The following GREB1L variants were observed in gnomAD, a reference collection of about 807,000 sequenced individuals.
GREB1L encodes the protein GREB1 like retinoic acid receptor coactivator, also known as GREB1-like protein.
A neutral mutation model predicts 200.8 loss-of-function variants in GREB1L; 17 were observed. The observed-to-expected ratio is 0.08, with a 90% CI of 0.06 to 0.13. The LOEUF (loss-of-function observed/expected upper bound fraction) is 0.13, where lower values mean the gene tolerates loss of function less well. Ranked by LOEUF, GREB1L falls within the 10% of genes least tolerant of loss-of-function variation. The pLI, the probability that GREB1L is intolerant of heterozygous loss-of-function variation, is 1.00. For synonymous variants in GREB1L, 789 were observed against 893.0 expected (o/e 0.88, Z 2.08); for missense variants, 1,657 against 2,367.7 (o/e 0.70, Z 6.23).
chr18:21,389,291 G>T (rs1414067524), intron 4 of GREB1L, among the ~76,000 whole-genome samples: 1 of 145,650 alleles, frequency 6.9e-6, no homozygotes, highest in Non-Finnish European at 1.5e-5. Flanking sequence ...ATCTCAGTTG[G>T]TTCTCGTGCC....
chr18:21,313,601 G>A (rs1598650858), intron 1 of GREB1L, among the ~76,000 whole-genome samples: 1 of 152,180 alleles, frequency 6.6e-6, no homozygotes, highest in Admixed American at 6.5e-5. Flanking sequence ...AGCCATACCA[G>A]CAGTGACTTA....
rs114116872 is a variant in GREB1L at position 21,255,288 on chromosome 18, T to C, written c.-120+12895T>C. On this transcript the variant is annotated intron_variant, in intron 1 of 32. Coordinates refer to ENST00000424526, the MANE Select transcript of GREB1L (RefSeq NM_001142966.3). ...TCACTTTCTTAGAAAGTTCTCCCTG[T>C]TTATTAGAGCTAATGTGGCTGTTTT... 7.6e-3 allele frequency among the ~76,000 whole-genome samples: 1,162 copies of C among 152,332 alleles called. 17 individuals are homozygous for C. Among genetic ancestry groups the C allele is most frequent in the African/African-American group, 0.027 (1,123 of 41,568 alleles).
At chr18:21,265,714 C>T (rs2037955630) in intron 1 of GREB1L, among the ~76,000 whole-genome samples, 1 of 152,078 alleles carries the variant, frequency 6.6e-6, no homozygotes, top group African/African-American at 2.4e-5. Context: ...CTTTATGAAT[C>T]CTCTCGCCAT....
At chr18:21,448,974 C>T (rs1177886301) in intron 11 of GREB1L, among the ~76,000 whole-genome samples, 4 of 152,158 alleles carry the variant, frequency 2.6e-5, no homozygotes, top group Non-Finnish European at 5.9e-5. Flanking sequence ...GAGGCTGCCT[C>T]CAATATCACT....
chr18:21,461,589 A>G (rs541089530), intron 15 of GREB1L, among the ~76,000 whole-genome samples: 1 of 151,998 alleles, frequency 6.6e-6, no homozygotes, highest in African/African-American at 2.4e-5. Flanking sequence ...CTTTCATTAG[A>G]TTCCTTCTGG....
intron 14 of GREB1L, among the ~76,000 whole-genome samples, chr18:21,453,049 A>G (rs182158629): frequency 5.3e-5 from 8 of 152,380 alleles, no homozygotes; most frequent in Admixed American, 5.2e-4. Flanking sequence ...GATGATCCGG[A>G]TGATCTAAAA....
intron 7 of GREB1L, among the ~76,000 whole-genome samples, chr18:21,434,527 G>GTGTATATATA (rs1555646739): frequency 1.9e-4 from 26 of 138,800 alleles, no homozygotes; most frequent in East Asian, 1.7e-3. Context: ...GTGTGTGTGT[G>GTGTATATATA]TGTGTATATA....
intron 1 of GREB1L, among the ~76,000 whole-genome samples, chr18:21,347,612 T>A (rs1598680634): frequency 6.9e-6 from 1 of 145,144 alleles, no homozygotes; most frequent in African/African-American, 2.6e-5. Context: ...CTTGCCACCA[T>A]GCCTGGTTAA....
At chr18:21,430,579 ATCTTTT>A (rs1262153189) in intron 7 of GREB1L, among the ~76,000 whole-genome samples, 2 of 67,978 alleles carry the variant, frequency 2.9e-5, no homozygotes, top group African/African-American at 9.9e-5. Flanking sequence ...TTGATTTGGG[ATCTTTT>A]TTTTTTTTTT....
At chr18:21,483,164 G>T (rs1404602309) in intron 17 of GREB1L, among the ~76,000 whole-genome samples, 1 of 152,154 alleles carries the variant, frequency 6.6e-6, no homozygotes, top group African/African-American at 2.4e-5. Context: ...ATAAAAACGA[G>T]GACAGGTGGA....
chr18:21,447,096 GA>G (rs2034263684), intron 11 of GREB1L, among the ~76,000 whole-genome samples: 1 of 152,132 alleles, frequency 6.6e-6, no homozygotes, highest in Admixed American at 6.5e-5. Context: ...CGAAAGTGGA[GA>G]AAAGACACCT....
At chr18:21,242,835 CCAGGGG>C (rs909726397) in intron 1 of GREB1L, among the ~76,000 whole-genome samples, 6 of 152,194 alleles carry the variant, frequency 3.9e-5, no homozygotes, top group Non-Finnish European at 8.8e-5. Context: ...CTCCCCGAGC[CCAGGGG>C]CAGTGAGGGG....
intron 1 of GREB1L, among the ~76,000 whole-genome samples, chr18:21,365,616 G>A (rs1287195756): frequency 1.3e-5 from 2 of 151,900 alleles, no homozygotes; most frequent in East Asian, 1.9e-4. Context: ...AATTTGGGCC[G>A]GGTATCAGGG....
At position 21,452,069 on chromosome 18, in the gene GREB1L, C is replaced by T; in HGVS notation, c.1850-14C>T. 6.4e-7 allele frequency: 1 copy of T among 1,551,112 alleles called. No homozygotes were observed. Among genetic ancestry groups the T allele is most frequent in the Non-Finnish European group, 8.7e-7 (1 of 1,146,622 alleles). ...ATCCTTCCTTGTAACCTTCTTATCT[C>T]TATTTTGTAATAGGCGATGACCTAG... On this transcript the variant is annotated splice_polypyrimidine_tract_variant and intron_variant, in intron 13 of 32. Coordinates refer to ENST00000424526, the MANE Select transcript of GREB1L (RefSeq NM_001142966.3).
intron 1 of GREB1L, among the ~76,000 whole-genome samples, chr18:21,255,679 T>C (rs1027012009): frequency 6.6e-6 from 1 of 152,248 alleles, no homozygotes; most frequent in African/African-American, 2.4e-5. Flanking sequence ...ATTAATTTTC[T>C]CCTTCTCTAG....
chr18:21,509,426 T>G (rs1291944546), intron 27 of GREB1L, among the ~76,000 whole-genome samples: 2 of 152,164 alleles, frequency 1.3e-5, no homozygotes, highest in Non-Finnish European at 2.9e-5. Context: ...AGTAGTTTTC[T>G]TGAACCCACG....
At position 21,524,267 on chromosome 18, in the gene GREB1L, AG is replaced by A. The variant is rs2037649099; in HGVS notation, c.*1448del. ...CCAGCTTTATTATCTTATGACAACAAGGAGTTTACAAAGCTAGTGAAAAAAT... is the reference window on the plus strand; with the variant it reads ...CCAGCTTTATTATCTTATGACAACAAGAGTTTACAAAGCTAGTGAAAAAAT... On this transcript the variant is annotated 3_prime_UTR_variant, in exon 33 of 33. Coordinates refer to ENST00000424526, the MANE Select transcript of GREB1L (RefSeq NM_001142966.3). The A allele has an allele frequency of 6.6e-6, 1 of 152,170 alleles. No individual in the cohort carries two copies. Among genetic ancestry groups the A allele is most frequent in the Non-Finnish European group, 1.5e-5 (1 of 68,034 alleles). 9.4% of individuals were successfully genotyped at this position (152,170 alleles called of 1,614,324 possible).
intron 15 of GREB1L, among the ~76,000 whole-genome samples, chr18:21,467,968 T>C (rs563895114): frequency 5.3e-4 from 77 of 144,090 alleles, no homozygotes; most frequent in African/African-American, 1.9e-3. Context: ...GAGCTCACAG[T>C]GAGCCGAGAT....
At chr18:21,431,679 C>A (rs773808432) in intron 7 of GREB1L, among the ~76,000 whole-genome samples, 49 of 152,054 alleles carry the variant, frequency 3.2e-4, no homozygotes, top group Non-Finnish European at 6.5e-4. Flanking sequence ...TGATGTTCTC[C>A]CTGGTTGTTC....
Sources: gnomAD v4.1 joint callset for allele counts (sites outside exome capture counted in the v4.1 genomes callset) on GRCh38, gnomAD v4.1.1 for gene constraint, MANE v1.5 for transcripts, NCBI Gene and HGNC (gene_info 2026-07-23, HGNC 2026-07-21) for gene names.